Variants in B3GLCT observed in about 807,000 individuals in gnomAD.
B3GLCT encodes the protein beta-1,3-glucosyltransferase.
In B3GLCT, 65 loss-of-function variants were observed where a neutral mutation model predicts 63.4. The observed-to-expected ratio is 1.03, with a 90% confidence interval of 0.84 to 1.26. The LOEUF (loss-of-function observed/expected upper bound fraction) is 1.26. Among genes scored for constraint, B3GLCT ranks in the 50% most tolerant of loss-of-function variants. B3GLCT has a pLI of 0.00. For synonymous variants in B3GLCT, 233 were observed against 219.2 expected, an observed-to-expected ratio of 1.06 and a Z score of -0.55; for missense variants, 577 against 604.8, an observed-to-expected ratio of 0.95 and a Z score of 0.48.
chr13:31,320,358 T>C (rs1297753999), intron 13 of B3GLCT, among the ~76,000 whole-genome samples: 1 of 152,202 alleles, frequency 6.6e-6, no homozygotes, highest in Non-Finnish European at 1.5e-5. Flanking sequence ...TGGGTGTTGC[T>C]GAGGCCACTG....
chr13:31,259,955 A>G (rs997289135), intron 6 of B3GLCT, among the ~76,000 whole-genome samples: 6 of 152,200 alleles, frequency 3.9e-5, no homozygotes, highest in Middle Eastern at 3.4e-3. Flanking sequence ...CTTGTTCTCA[A>G]CAGGAGAGTA....
intron 13 of B3GLCT, among the ~76,000 whole-genome samples, chr13:31,321,729 T>C (rs904489270): frequency 6.6e-6 from 1 of 152,220 alleles, no homozygotes; most frequent in Non-Finnish European, 1.5e-5. Flanking sequence ...GTATTTTGCG[T>C]TGTTTGGAGC....
rs765514779 is a variant in B3GLCT at position 31,229,239 on chromosome 13, A to C, written c.215A>C (p.Lys72Thr). 6.2e-7 allele frequency: 1 copy of C among 1,613,896 alleles called. No homozygotes were observed. The highest frequency in any genetic ancestry group is 1.6e-4 in the Middle Eastern group (1 of 6,062). The change falls in exon 4 of 15, where the codon AAG (lysine) becomes ACG (threonine). Residue 72 changes from lysine (K) to threonine (T), a missense_variant. Coordinates refer to ENST00000343307, the MANE Select transcript of B3GLCT (RefSeq NM_194318.4). ...AGTCAAAGTAATTCTTTTCATGCAAAGAGAGCAGAGCAGTTAAAAAAAAGC... is the reference window on the plus strand; with the variant it reads ...AGTCAAAGTAATTCTTTTCATGCAACGAGAGCAGAGCAGTTAAAAAAAAGC... ...IQSQSNSFHAKRAEQLKKSIL... is the reference protein window; with the variant it reads ...IQSQSNSFHATRAEQLKKSIL...
chr13:31,210,913 C>G (rs766966568), intron 1 of B3GLCT, among the ~76,000 whole-genome samples: 2 of 151,796 alleles, frequency 1.3e-5, no homozygotes, highest in Non-Finnish European at 2.9e-5. Context: ...CCTGGCTAAG[C>G]ATTAATTTTT....
chr13:31,210,351 G>C (rs974657361), intron 1 of B3GLCT, among the ~76,000 whole-genome samples: 2 of 152,170 alleles, frequency 1.3e-5, no homozygotes, highest in African/African-American at 4.8e-5. Context: ...AAGCACTAAG[G>C]CCAAATTTTC....
At chr13:31,262,334 C>T (rs921196872) in intron 7 of B3GLCT, among the ~76,000 whole-genome samples, 59 of 152,332 alleles carry the variant, frequency 3.9e-4, no homozygotes, top group African/African-American at 1.3e-3. Flanking sequence ...TTAAGATCTT[C>T]GACTCACGCA....
intron 2 of B3GLCT, among the ~76,000 whole-genome samples, chr13:31,221,883 C>A (rs1231335975): frequency 6.6e-6 from 1 of 152,146 alleles, no homozygotes; most frequent in African/African-American, 2.4e-5. Context: ...GGAGAAAATT[C>A]CTTCTTAGTC....
chr13:31,231,008 A>G (rs535656141), intron 4 of B3GLCT, among the ~76,000 whole-genome samples: 1 of 151,922 alleles, frequency 6.6e-6, no homozygotes, highest in Admixed American at 6.5e-5. Context: ...TTCTGTCTCA[A>G]AGAAAAAAAA....
intron 6 of B3GLCT, among the ~76,000 whole-genome samples, chr13:31,250,782 C>A (rs1458635246): frequency 6.6e-6 from 1 of 152,208 alleles, no homozygotes; most frequent in African/African-American, 2.4e-5. Context: ...GTTGTGGGCG[C>A]CACTTCAGCA....
At chr13:31,237,313 G>C (rs543795816) in intron 4 of B3GLCT, among the ~76,000 whole-genome samples, 1 of 151,188 alleles carries the variant, frequency 6.6e-6, no homozygotes, top group African/African-American at 2.4e-5. Context: ...TCACTTTAAA[G>C]AGGCAGGAGG....
chr13:31,318,880 G>A (rs1875191719), intron 13 of B3GLCT, among the ~76,000 whole-genome samples: 1 of 152,182 alleles, frequency 6.6e-6, no homozygotes, highest in Non-Finnish European at 1.5e-5. Context: ...TAACACAGAA[G>A]TGACTTGTTA....
intron 12 of B3GLCT, among the ~76,000 whole-genome samples, chr13:31,308,421 G>T (rs1031353865): frequency 4.8e-4 from 73 of 150,994 alleles, no homozygotes; most frequent in African/African-American, 1.8e-3. Flanking sequence ...CATAATTTGG[G>T]GTGTTCTACT....
chr13:31,306,488 G>C (rs1400351641), intron 12 of B3GLCT, among the ~76,000 whole-genome samples: 1 of 105,318 alleles, frequency 9.5e-6, no homozygotes, highest in Non-Finnish European at 1.9e-5. Flanking sequence ...GAAGTCTCAG[G>C]ATACAAAATC....
At chr13:31,258,646 T>C (rs182176041) in intron 6 of B3GLCT, among the ~76,000 whole-genome samples, 4 of 152,334 alleles carry the variant, frequency 2.6e-5, no homozygotes, top group African/African-American at 9.6e-5. Flanking sequence ...TATATCTTGT[T>C]TCTGTTTATT....
chr13:31,284,786 C>T, intron 11 of B3GLCT, 25 bp downstream of exon 11: 2 of 1,172,606 alleles, frequency 1.7e-6, no homozygotes, highest in Middle Eastern at 3.8e-4. Context: ...TTACTACTCT[C>T]CTTATTAAAC....
At chr13:31,269,931 A>T (rs531984428) in intron 8 of B3GLCT, among the ~76,000 whole-genome samples, 1 of 152,090 alleles carries the variant, frequency 6.6e-6, no homozygotes, top group Non-Finnish European at 1.5e-5. Context: ...TTTAGACTCC[A>T]CTCAGTCTAT....
intron 8 of B3GLCT, among the ~76,000 whole-genome samples, chr13:31,272,159 C>T (rs528854051): frequency 6.6e-6 from 1 of 151,572 alleles, no homozygotes; most frequent in South Asian, 2.1e-4. Flanking sequence ...ATTGTAATTA[C>T]TGATATATTT....
chr13:31,246,954 T>TTCTTTTC (rs200933165), intron 4 of B3GLCT, 69 bp from the exon 5 acceptor site: 1 of 868,766 alleles, frequency 1.2e-6, no homozygotes, highest in African/African-American at 1.9e-5. Context: ...TTCTTTTCTT[T>TTCTTTTC]TTTTTTTTTT....
intron 10 of B3GLCT, among the ~76,000 whole-genome samples, chr13:31,278,444 G>A (rs1220413637): frequency 2.0e-5 from 3 of 152,138 alleles, no homozygotes; most frequent in East Asian, 3.8e-4. Flanking sequence ...CCTATTAGGA[G>A]CATTAGAAAC....
Sources: gnomAD v4.1 joint callset for allele counts (sites outside exome capture counted in the v4.1 genomes callset) on GRCh38, gnomAD v4.1.1 for gene constraint, MANE v1.5 for transcripts, NCBI Gene and HGNC (gene_info 2026-07-23, HGNC 2026-07-21) for gene names.